C10orf67: variants seen among roughly 807,000 people sequenced by gnomAD.
C10orf67 encodes uncharacterized protein C10orf67, mitochondrial.
Under a neutral mutation model 35.6 loss-of-function variants are expected in C10orf67, and 60 were observed. The ratio of observed to expected loss-of-function variants is 1.68; its 90% CI spans 1.37 to 2.09. C10orf67 has a LOEUF of 2.09. Among genes scored for constraint, C10orf67 ranks in the 30% most tolerant of loss-of-function variants. The probability of loss-of-function intolerance (pLI) is 0.00; values close to 1 mark genes in which losing one functional copy is unlikely to be tolerated. For missense variants in C10orf67, 474 were observed against 330.2 expected (o/e 1.44, Z -3.38); for synonymous variants, 167 against 115.8 (o/e 1.44, Z -2.84).
At chr10:23,225,124 G>A (rs941920821) in intron 13 of C10orf67, among the ~76,000 whole-genome samples, 2 of 152,216 alleles carry the variant, frequency 1.3e-5, no homozygotes, top group Non-Finnish European at 2.9e-5. Context: ...AGAGAGAAAG[G>A]TCGGGTTACC....
chr10:23,245,988 G>A (rs971463150), intron 12 of C10orf67, among the ~76,000 whole-genome samples: 1 of 152,080 alleles, frequency 6.6e-6, no homozygotes, highest in African/African-American at 2.4e-5. Context: ...AAAAAAATAC[G>A]GTACACATAT....
chr10:23,308,786 A>T (rs1266828625), intron 4 of C10orf67, among the ~76,000 whole-genome samples: 2 of 152,176 alleles, frequency 1.3e-5, no homozygotes, highest in African/African-American at 4.8e-5. Flanking sequence ...TGTGAGAATT[A>T]AATAAGATAA....
intron 5 of C10orf67, among the ~76,000 whole-genome samples, chr10:23,293,732 C>T (rs1482973505): frequency 6.6e-6 from 1 of 152,188 alleles, no homozygotes; most frequent in African/African-American, 2.4e-5. Context: ...CAGGTGGTGG[C>T]ATATGTGCTA....
intron 12 of C10orf67, among the ~76,000 whole-genome samples, chr10:23,248,082 T>C (rs531450034): frequency 4.1e-4 from 62 of 152,334 alleles, no homozygotes; most frequent in African/African-American, 1.5e-3. Context: ...GATGTGTGCA[T>C]GGACCTCTTC....
chr10:23,288,707 C>T (rs1050525745), intron 7 of C10orf67, among the ~76,000 whole-genome samples: 2 of 152,138 alleles, frequency 1.3e-5, no homozygotes, highest in Admixed American at 1.3e-4. Context: ...CTAAGCTCTT[C>T]AAATGTGGCT....
chr10:23,340,764 T>C (rs1238622154), intron 1 of C10orf67, among the ~76,000 whole-genome samples: 1 of 152,242 alleles, frequency 6.6e-6, no homozygotes. Context: ...ACACAGTCTT[T>C]ATTTATAGTC....
intron 2 of C10orf67, among the ~76,000 whole-genome samples, chr10:23,327,741 C>T (rs2132364497): frequency 6.6e-6 from 1 of 152,020 alleles, no homozygotes; most frequent in South Asian, 2.1e-4. Flanking sequence ...AGGAGAATCG[C>T]TTGAACCTGG....
At chr10:23,206,745 C>T (rs923157729) in intron 15 of C10orf67, among the ~76,000 whole-genome samples, 1 of 152,138 alleles carries the variant, frequency 6.6e-6, no homozygotes, top group African/African-American at 2.4e-5. Context: ...CTTGTATGGG[C>T]ACAGCCAAAG....
In C10orf67 at chr10:23,266,377, T is replaced by A; in HGVS notation, c.1085A>T (p.Lys362Met). 1 of 398,622 alleles carries A rather than the reference T, an allele frequency of 2.5e-6. No individual in the cohort carries two copies. The highest frequency in any genetic ancestry group is 4.4e-6 in the Non-Finnish European group (1 of 226,058). The allele number at this position is 398,622 out of a possible 1,614,324, so 24.7% of individuals were successfully genotyped here. A position where few individuals can be genotyped will look rare whatever the true frequency, so the allele number is the denominator to read the frequency against. Residue 362 changes from lysine to methionine, a missense_variant, in exon 10 of 16, where the codon AAG (lysine) becomes ATG (methionine). Transcript: ENST00000636213. Reference protein sequence around the residue: ...GREASLSPWPKSPPSTTALRP... With the variant: ...GREASLSPWPMSPPSTTALRP... ...CAAAGCTGTGGTGCTGGGTGGAGAC[T>A]TGGGCCATGGGGACAAAGAGGCTTC... is the stretch of plus-strand genomic sequence containing the variant.
intron 15 of C10orf67, among the ~76,000 whole-genome samples, chr10:23,208,224 G>A (rs1162192711): frequency 6.6e-6 from 1 of 152,138 alleles, no homozygotes; most frequent in African/African-American, 2.4e-5. Context: ...TAACTCACCT[G>A]TAACTCACCT....
intron 12 of C10orf67, among the ~76,000 whole-genome samples, chr10:23,249,367 A>G (rs1453173964): frequency 6.6e-6 from 1 of 152,180 alleles, no homozygotes; most frequent in South Asian, 2.1e-4. Context: ...TCTCACATGT[A>G]TCTACGTTCT....
chr10:23,322,360 C>A, intron 3 of C10orf67, 34 bp downstream of exon 3: 1 of 1,593,376 alleles, frequency 6.3e-7, no homozygotes, highest in Non-Finnish European at 8.6e-7. Flanking sequence ...CAGTATCAAT[C>A]CACATAAAAC....
chr10:23,245,403 A>G (rs1370059769), intron 12 of C10orf67, among the ~76,000 whole-genome samples: 1 of 152,210 alleles, frequency 6.6e-6, no homozygotes, highest in African/African-American at 2.4e-5. Context: ...AGCAAAGAAA[A>G]CAACAAAATG....
intron 2 of C10orf67, among the ~76,000 whole-genome samples, chr10:23,326,509 A>G (rs1215361314): frequency 2.0e-5 from 3 of 152,144 alleles, no homozygotes; most frequent in Non-Finnish European, 4.4e-5. Flanking sequence ...TTTTTAGGCT[A>G]AAGAGAAATA....
chr10:23,333,044 G>T lies in C10orf67; in HGVS notation c.327+18C>A. The T allele has an allele frequency of 6.2e-7, 1 of 1,605,632 alleles. No individual in the cohort carries two copies. Among genetic ancestry groups the T allele is most frequent in the South Asian group, 1.1e-5 (1 of 88,584 alleles). On this transcript the variant is annotated intron_variant, in intron 2 of 15. Transcript: ENST00000636213. ...GCCAAAAATTATCTCAGAAGTTTCA[G>T]AACAAATTCAGATTTACCTGTGCTA...
intron 13 of C10orf67, among the ~76,000 whole-genome samples, chr10:23,224,735 A>G (rs112535422): frequency 1.2e-3 from 190 of 152,352 alleles, no homozygotes; most frequent in African/African-American, 4.4e-3. Context: ...ACGAATGCAG[A>G]AGCTTTAGTA....
chr10:23,230,976 T>G (rs983451334), intron 13 of C10orf67, among the ~76,000 whole-genome samples: 2 of 152,112 alleles, frequency 1.3e-5, no homozygotes, highest in Non-Finnish European at 2.9e-5. Context: ...CCTCCTTTCA[T>G]TTTTTTGGAG....
At chr10:23,239,610 C>T (rs575177816) in intron 13 of C10orf67, 119 bp downstream of exon 13, 1 of 501,282 alleles carries the variant, frequency 2.0e-6, no homozygotes. Context: ...CAGTGACTGC[C>T]TTGTACTATC....
Position 23,344,671 on chromosome 10 carries a change from C to A in C10orf67, c.104G>T (p.Trp35Leu). Residue 35 changes from tryptophan (W) to leucine (L), a missense_variant, in exon 1 of 16, where the codon TGG becomes TTG. Coordinates refer to ENST00000636213, the MANE Select transcript of C10orf67 (RefSeq NM_001371909.1). Reference sequence around the variant, plus strand: ...GGTGGCCTTGGCTTTCATGGCCTCCCAGCGTGTGCCAAAGGTCCCCCTCAA... The same window carrying A: ...GGTGGCCTTGGCTTTCATGGCCTCCAAGCGTGTGCCAAAGGTCCCCCTCAA... Reference protein sequence around the residue: ...SSLRGTFGTRWEAMKAKATEL... With the variant: ...SSLRGTFGTRLEAMKAKATEL... The A allele has an allele frequency of 6.3e-7, 1 of 1,579,384 alleles. No homozygotes were observed.
Sources: gnomAD v4.1 joint callset for allele counts (sites outside exome capture counted in the v4.1 genomes callset) on GRCh38, gnomAD v4.1.1 for gene constraint, MANE v1.5 for transcripts, NCBI Gene and HGNC (gene_info 2026-07-23, HGNC 2026-07-21) for gene names.